MYO5B: variants seen among roughly 807,000 people sequenced by gnomAD.
MYO5B encodes the protein unconventional myosin-Vb.
Under a neutral mutation model 229.3 loss-of-function variants are expected in MYO5B, and 143 were observed. The ratio of observed to expected loss-of-function variants is 0.62; its 90% CI spans 0.54 to 0.72. The LOEUF is 0.72. Ranked by LOEUF, MYO5B falls within the 30% of genes least tolerant of loss-of-function variation. The pLI is 0.00. For synonymous variants in MYO5B, 918 were observed against 885.2 expected, an observed-to-expected ratio of 1.04 and a Z score of -0.66; for missense variants, 2,321 against 2,331.0, an observed-to-expected ratio of 1.00 and a Z score of 0.09.
intron 27 of MYO5B, among the ~76,000 whole-genome samples, chr18:49,865,509 T>C (rs2024385810): frequency 6.6e-6 from 1 of 152,156 alleles, no homozygotes; most frequent in South Asian, 2.1e-4. Flanking sequence ...GCCTGGGTGA[T>C]CTTCTGGCAG....
At chr18:50,052,138 T>A (rs1471572926) in intron 2 of MYO5B, among the ~76,000 whole-genome samples, 1 of 152,142 alleles carries the variant, frequency 6.6e-6, no homozygotes, top group African/African-American at 2.4e-5. Context: ...ATTGTGGAAG[T>A]CAGTGTGGCG....
At chr18:49,849,979 G>A (rs1010960206) in intron 31 of MYO5B, 7 of 407,248 alleles carry the variant, frequency 1.7e-5, no homozygotes, top group Non-Finnish European at 3.2e-5. Context: ...CCCCCCAGGA[G>A]ACACACTCAG....
chr18:49,965,200 T>G (rs532018677), intron 10 of MYO5B, among the ~76,000 whole-genome samples: 84 of 152,268 alleles, frequency 5.5e-4, no homozygotes, highest in African/African-American at 2.0e-3. Context: ...AAGATGTGGA[T>G]GAGAGGGCCT....
At position 49,936,133 on chromosome 18, in the gene MYO5B, GT is replaced by G. The variant is rs565916283; in HGVS notation, c.2003+118del. The G allele has an allele frequency of 2.1e-4, 174 of 814,638 alleles. 3 individuals are homozygous for G. In the South Asian group the frequency reaches 2.4e-3, roughly 11 times the overall value. 50.5% of individuals were successfully genotyped at this position (814,638 alleles called of 1,614,324 possible). On this transcript the variant is annotated intron_variant, in intron 16 of 39. Transcript: ENST00000285039. ...GCAGCAAGTAAGATGTCTGGGGAGT[GT>G]AAGTCCAGGTGGTCATCATGCTGAA...
chr18:50,043,382 A>AT (rs1356252178), intron 2 of MYO5B, among the ~76,000 whole-genome samples: 1 of 101,226 alleles, frequency 9.9e-6, no homozygotes, highest in Non-Finnish European at 1.8e-5. Context: ...TATATAATAT[A>AT]TTAAATATAT....
intron 4 of MYO5B, among the ~76,000 whole-genome samples, chr18:50,010,193 A>G (rs73959841): frequency 0.016 from 2,447 of 152,320 alleles, 55 homozygotes; most frequent in African/African-American, 0.051. Context: ...TTAATATCCA[A>G]TATCATTTTC....
intron 4 of MYO5B, among the ~76,000 whole-genome samples, chr18:50,022,842 C>T (rs1359161673): frequency 2.0e-5 from 3 of 152,110 alleles, no homozygotes; most frequent in Non-Finnish European, 2.9e-5. Flanking sequence ...CCTTTACCCC[C>T]ACCTCCTAGG....
In MYO5B at chr18:50,019,769, G is replaced by A. The variant is rs563613445; in HGVS notation, c.455+17081C>T. Among the ~76,000 whole-genome samples the A allele has an allele frequency of 6.6e-5, 10 of 152,296 alleles. No homozygotes were observed. In the South Asian group the frequency reaches 1.2e-3, roughly 19 times the overall value. On this transcript the variant is annotated intron_variant, in intron 4 of 39. Coordinates refer to ENST00000285039, the MANE Select transcript of MYO5B (RefSeq NM_001080467.3). ...ACAAATTCAAGGCAGGGCCCAGGAG[G>A]AAGTCCCTTTTCCTCCCTGGTACTC...
chr18:50,149,904 A>C (rs1359973818), intron 1 of MYO5B, among the ~76,000 whole-genome samples: 20 of 145,636 alleles, frequency 1.4e-4, no homozygotes, highest in South Asian at 1.3e-3. Context: ...CAACCTACAA[A>C]ATGGGAGAAA....
intron 12 of MYO5B, among the ~76,000 whole-genome samples, chr18:49,958,932 T>G (rs1485254706): frequency 6.6e-6 from 1 of 152,174 alleles, no homozygotes; most frequent in Non-Finnish European, 1.5e-5. Context: ...ATCATTCACA[T>G]CTGAACCCCT....
intron 3 of MYO5B, 105 bp downstream of exon 3, chr18:50,040,038 A>G (rs2029962844): frequency 1.6e-6 from 2 of 1,277,438 alleles, no homozygotes; most frequent in Non-Finnish European, 1.1e-6. Flanking sequence ...AGAGATACTT[A>G]CAAATGAGAG....
At chr18:49,880,332 T>A in intron 23 of MYO5B, 39 bp downstream of exon 23, 1 of 1,566,104 alleles carries the variant, frequency 6.4e-7, no homozygotes, top group Middle Eastern at 1.7e-4. Context: ...GGAAAAGAGA[T>A]TAAAACCCCA....
intron 10 of MYO5B, among the ~76,000 whole-genome samples, chr18:49,972,603 T>C (rs915897063): frequency 1.3e-5 from 2 of 152,250 alleles, no homozygotes; most frequent in African/African-American, 4.8e-5. Context: ...TTGGGTCAGC[T>C]TGGGTTTCCC....
At chr18:49,829,755 G>C (rs960680414) in intron 39 of MYO5B, among the ~76,000 whole-genome samples, 1 of 152,128 alleles carries the variant, frequency 6.6e-6, no homozygotes, top group Non-Finnish European at 1.5e-5. Context: ...CCATGACCAA[G>C]CAAGATTTAC....
intron 1 of MYO5B, among the ~76,000 whole-genome samples, chr18:50,159,689 C>A (rs568235323): frequency 6.6e-6 from 1 of 152,182 alleles, no homozygotes; most frequent in Non-Finnish European, 1.5e-5. Context: ...TTTGCCATCC[C>A]GCACCTCCAG....
intron 3 of MYO5B, among the ~76,000 whole-genome samples, chr18:50,039,183 G>T (rs948035484): frequency 6.6e-6 from 1 of 152,116 alleles, no homozygotes. Context: ...CCCAGCAGCC[G>T]GAATCCCCAA....
Position 49,962,961 on chromosome 18 carries a change from C to CT in MYO5B, c.1391dup (p.Gln465AlafsTer25). The CT allele has an allele frequency of 6.2e-7, 1 of 1,614,060 alleles. No homozygotes were observed. The highest frequency in any genetic ancestry group is 8.5e-7 in the Non-Finnish European group (1 of 1,179,944). On this transcript the variant is annotated frameshift_variant, in exon 11 of 40. Transcript: ENST00000285039. LOFTEE classifies it high-confidence loss of function. ...AAACCAAGCCTACCGAGTTGAACTG[C>CT]TGCTGGAGCTTTTCATTTGCATAGT...
At chr18:49,955,988 T>C (rs1468757706) in intron 12 of MYO5B, among the ~76,000 whole-genome samples, 1 of 152,242 alleles carries the variant, frequency 6.6e-6, no homozygotes, top group African/African-American at 2.4e-5. Context: ...AAAATCTTCT[T>C]GCCTTGGAGA....
At chr18:50,104,515 A>G (rs2031720131) in intron 1 of MYO5B, among the ~76,000 whole-genome samples, 1 of 151,896 alleles carries the variant, frequency 6.6e-6, no homozygotes, top group Admixed American at 6.6e-5. Flanking sequence ...AAGATCATAC[A>G]ATTGTTCACT....
Sources: allele counts gnomAD v4.1 joint callset (sites outside exome capture counted in the v4.1 genomes callset), GRCh38; gene constraint gnomAD v4.1.1; transcripts MANE v1.5; gene names NCBI Gene and HGNC (gene_info 2026-07-23, HGNC 2026-07-21).